Variants in FBXL4 observed in about 807,000 individuals in gnomAD.
FBXL4 encodes F-box/LRR-repeat protein 4.
Under a neutral mutation model 58.9 loss-of-function variants are expected in FBXL4, and 40 were observed. The ratio of observed to expected loss-of-function variants is 0.68; its 90% CI spans 0.53 to 0.88. FBXL4 has a LOEUF of 0.88. Among genes scored for constraint, FBXL4 ranks in the 40% least tolerant of loss-of-function variants. The probability of loss-of-function intolerance (pLI) is 0.00; values close to 1 mark genes in which losing one functional copy is unlikely to be tolerated. For missense variants in FBXL4, 676 were observed against 734.4 expected (o/e 0.92, Z 0.92); for synonymous variants, 263 against 265.5 (o/e 0.99, Z 0.09).
In FBXL4 at chr6:98,884,630, ATTTT is replaced by A. The variant is rs199709978; in HGVS notation, c.1318-4010_1318-4007del. On this transcript the variant is annotated intron_variant, in intron 7 of 9. Transcript: ENST00000369244. ...TGTCTCTGATAGCTCTTGTCCCTTTATTTTTGATCTCCTGCAATTACATCACAAT... is the reference window on the plus strand; with the variant it reads ...TGTCTCTGATAGCTCTTGTCCCTTTATGATCTCCTGCAATTACATCACAAT... Among the ~76,000 whole-genome samples the A allele has an allele frequency of 9.9e-5, 15 of 152,098 alleles. No homozygotes were observed. The East Asian group carries it at 2.9e-3, about 29-fold the overall frequency.
intron 1 of FBXL4, among the ~76,000 whole-genome samples, chr6:98,943,143 T>C (rs889634428): frequency 1.3e-5 from 2 of 151,414 alleles, no homozygotes; most frequent in Non-Finnish European, 2.9e-5. Context: ...ACTGTAGTTA[T>C]GCAAGGTGTT....
chr6:98,877,868 T>C (rs1206732718), intron 8 of FBXL4, among the ~76,000 whole-genome samples: 1 of 152,116 alleles, frequency 6.6e-6, no homozygotes, highest in Non-Finnish European at 1.5e-5. Context: ...TAAAAAGAAA[T>C]AGATAAAATT....
At chr6:98,902,918 A>C (rs1771665845) in intron 6 of FBXL4, among the ~76,000 whole-genome samples, 1 of 152,178 alleles carries the variant, frequency 6.6e-6, no homozygotes, top group South Asian at 2.1e-4. Context: ...TAACTGATTA[A>C]AAGTTTTAAG....
chr6:98,896,084 C>G (rs1771399081), intron 7 of FBXL4, among the ~76,000 whole-genome samples: 2 of 152,056 alleles, frequency 1.3e-5, no homozygotes, highest in Non-Finnish European at 1.5e-5. Flanking sequence ...TTTCTTTTCA[C>G]GTATGTCCTT....
At chr6:98,943,579 C>CAAAAAAAAA (rs59697294) in intron 1 of FBXL4, among the ~76,000 whole-genome samples, 7 of 76,686 alleles carry the variant, frequency 9.1e-5, no homozygotes, top group African/African-American at 2.2e-4. Context: ...GACTCTGTCT[C>CAAAAAAAAA]AAAAAAAAAA....
rs1051292590 is a variant in FBXL4, at chr6:98,868,570, G to C, written c.*5708C>G. The C allele has an allele frequency of 6.6e-6, 1 of 151,894 alleles. No homozygotes were observed. Among genetic ancestry groups the C allele is most frequent in the African/African-American group, 2.4e-5 (1 of 41,354 alleles). The allele number at this position is 151,894 out of a possible 1,614,324, so 9.4% of individuals were successfully genotyped here. On this transcript the variant is annotated 3_prime_UTR_variant, in exon 10 of 10. Coordinates refer to ENST00000369244, the MANE Select transcript of FBXL4 (RefSeq NM_001278716.2). ...CTCAAACTTATTTTATTACTCTAAA[G>C]TACAGAATACAAACAACAGAAATCA...
chr6:98,909,788 C>A (rs1417404436), intron 5 of FBXL4, among the ~76,000 whole-genome samples: 1 of 152,038 alleles, frequency 6.6e-6, no homozygotes, highest in Non-Finnish European at 1.5e-5. Context: ...CCAGTAAAGG[C>A]CAGTTTTGTC....
At chr6:98,939,166 G>A (rs965454958) in intron 1 of FBXL4, among the ~76,000 whole-genome samples, 20 of 149,310 alleles carry the variant, frequency 1.3e-4, no homozygotes, top group Non-Finnish European at 2.4e-4. Flanking sequence ...GAAACGAAAC[G>A]AAATGAAATG....
intron 2 of FBXL4, among the ~76,000 whole-genome samples, chr6:98,929,986 C>T (rs1208836859): frequency 6.6e-6 from 1 of 152,116 alleles, no homozygotes; most frequent in Non-Finnish European, 1.5e-5. Flanking sequence ...ATGCCAAAAA[C>T]TGAAAAAAGA....
rs753327689 is a variant in FBXL4, at chr6:98,875,447, T to C, written c.1670A>G (p.Asn557Ser). 7 of 1,614,130 alleles carry C rather than the reference T, an allele frequency of 4.3e-6. No homozygotes were observed. The highest frequency in any genetic ancestry group is 3.3e-5 in the South Asian group (3 of 91,090). ...CDTDIDELAC[N>S]CTRLQQLDIL... ...GTCCAGCTGCTGTAACCTGGTACAATTACATGCCAATTCATCAATGTCTGT... is the reference window on the plus strand; with the variant it reads ...GTCCAGCTGCTGTAACCTGGTACAACTACATGCCAATTCATCAATGTCTGT... Residue 557 changes from asparagine to serine, a missense_variant, in exon 9 of 10, where the codon AAT (asparagine) becomes AGT (serine). Coordinates refer to ENST00000369244, the MANE Select transcript of FBXL4 (RefSeq NM_001278716.2).
chr6:98,903,464 A>G (rs1035483922), intron 6 of FBXL4, among the ~76,000 whole-genome samples: 1 of 152,192 alleles, frequency 6.6e-6, no homozygotes, highest in African/African-American at 2.4e-5. Context: ...ACAGTAAAAT[A>G]TGAGAACTTA....
At chr6:98,922,357 G>A (rs1772616115) in intron 4 of FBXL4, among the ~76,000 whole-genome samples, 1 of 152,186 alleles carries the variant, frequency 6.6e-6, no homozygotes, top group Admixed American at 6.5e-5. Flanking sequence ...GAAAAGACTG[G>A]TTTTAAATTT....
chr6:98,881,449 T>C (rs147879515), intron 7 of FBXL4, among the ~76,000 whole-genome samples: 1 of 152,082 alleles, frequency 6.6e-6, no homozygotes, highest in Non-Finnish European at 1.5e-5. Flanking sequence ...TGGCAAAATA[T>C]CTTATACATT....
chr6:98,924,882 T>C (rs1333858665), intron 4 of FBXL4, among the ~76,000 whole-genome samples: 2 of 152,204 alleles, frequency 1.3e-5, no homozygotes, highest in African/African-American at 4.8e-5. Flanking sequence ...ATCCCTACAG[T>C]TGAACAGGTG....
intron 5 of FBXL4, among the ~76,000 whole-genome samples, chr6:98,908,146 T>G (rs1325885959): frequency 2.0e-5 from 3 of 152,134 alleles, no homozygotes; most frequent in Non-Finnish European, 2.9e-5. Context: ...ACCCAAACAT[T>G]AAAGAAAGGT....
At chr6:98,880,713 C>T (rs1770823172) in intron 7 of FBXL4, 89 bp from the exon 8 acceptor site, 1 of 1,087,600 alleles carries the variant, frequency 9.2e-7, no homozygotes, top group African/African-American at 1.6e-5. Flanking sequence ...TAAAGGCTGT[C>T]ACTGCTTTTC....
Position 98,926,252 on chromosome 6 carries a change from A to G in FBXL4, c.512+225T>C, listed in dbSNP as rs111814846. On this transcript the variant is annotated intron_variant, in intron 4 of 9. Transcript: ENST00000369244. ...TTTTGGTAAATTTTATGAGATACAA[A>G]TATCATAAGCCATGAATATTACAGT... 1.6e-3 allele frequency among the ~76,000 whole-genome samples: 250 copies of G among 152,322 alleles called. 2 individuals are homozygous for G. The highest frequency in any genetic ancestry group is 5.5e-3 in the African/African-American group (229 of 41,574).
At chr6:98,896,057 A>T (rs1328323780) in intron 7 of FBXL4, among the ~76,000 whole-genome samples, 2 of 152,152 alleles carry the variant, frequency 1.3e-5, no homozygotes, top group African/African-American at 4.8e-5. Context: ...CAAGAAAACT[A>T]AAATTATTAT....
At chr6:98,897,536 C>T (rs776209559) in intron 7 of FBXL4, 27 of 179,822 alleles carry the variant, frequency 1.5e-4, no homozygotes, top group Non-Finnish European at 2.7e-4. Context: ...AATATTTTGC[C>T]CAAAATTGAG....
Sources: allele counts gnomAD v4.1 joint callset (sites outside exome capture counted in the v4.1 genomes callset), GRCh38; gene constraint gnomAD v4.1.1; transcripts MANE v1.5; gene names NCBI Gene and HGNC (gene_info 2026-07-23, HGNC 2026-07-21).